The following CABLES1 variants were observed in gnomAD, a reference collection of about 807,000 sequenced individuals.
CABLES1 encodes the protein Cdk5 and Abl enzyme substrate 1.
A neutral mutation model predicts 57.8 loss-of-function variants in CABLES1; 36 were observed. The observed-to-expected ratio is 0.62, with a 90% CI of 0.48 to 0.82. The LOEUF is 0.82. Ranked by LOEUF, CABLES1 falls within the 40% of genes least tolerant of loss-of-function variation. The probability of loss-of-function intolerance (pLI) is 0.00; values close to 1 mark genes in which losing one functional copy is unlikely to be tolerated. For missense variants in CABLES1, 767 were observed against 836.6 expected, an observed-to-expected ratio of 0.92 and a Z score of 1.03; for synonymous variants, 374 against 363.0, an observed-to-expected ratio of 1.03 and a Z score of -0.35.
chr18:23,172,667 A>T (rs928714126), intron 1 of CABLES1, among the ~76,000 whole-genome samples: 2 of 152,194 alleles, frequency 1.3e-5, no homozygotes, highest in Non-Finnish European at 2.9e-5. Flanking sequence ...GACTTTTTTG[A>T]AGAGTCCAAT....
rs576184970 is a variant in CABLES1 at position 23,140,511 on chromosome 18, A to T, written c.845+3904A>T. Among the ~76,000 whole-genome samples, 24 of 147,788 alleles carry T rather than the reference A, an allele frequency of 1.6e-4. No individual in the cohort carries two copies. The East Asian group carries it at 3.2e-3, about 20-fold the overall frequency. ...GAGTGCAGTGGCGCCATCGCGGCTC[A>T]CGGCAACCTCTGCCTCCTGGGTTCA... is the stretch of plus-strand genomic sequence containing the variant. On this transcript the variant is annotated intron_variant, in intron 1 of 9. Transcript: ENST00000256925.
intron 7 of CABLES1, among the ~76,000 whole-genome samples, chr18:23,250,277 A>C (rs551589201): frequency 6.6e-6 from 1 of 152,232 alleles, no homozygotes; most frequent in African/African-American, 2.4e-5. Context: ...TGCAAACCTC[A>C]TGACTTTCCT....
At chr18:23,199,724 T>C (rs1269213199) in intron 3 of CABLES1, among the ~76,000 whole-genome samples, 1 of 152,208 alleles carries the variant, frequency 6.6e-6, no homozygotes, top group African/African-American at 2.4e-5. Flanking sequence ...ACAGAGTTTC[T>C]ATTAGGGGTG....
chr18:23,151,952 CAG>C lies in CABLES1; in HGVS notation c.845+15349_845+15350del, dbSNP rs543729025. Among the ~76,000 whole-genome samples the C allele has an allele frequency of 9.2e-5, 14 of 152,226 alleles. No individual in the cohort carries two copies. In the East Asian group the frequency reaches 2.5e-3, roughly 27 times the overall value. On this transcript the variant is annotated intron_variant, in intron 1 of 9. Coordinates refer to ENST00000256925, the MANE Select transcript of CABLES1 (RefSeq NM_001100619.3). ...GGTGGAGAGAAGTGAACGGACTCAA[CAG>C]AGATGAAAGGCACAATGGAGATGGA...
intron 1 of CABLES1, among the ~76,000 whole-genome samples, chr18:23,155,581 A>G (rs1217390318): frequency 6.6e-6 from 1 of 152,178 alleles, no homozygotes; most frequent in Non-Finnish European, 1.5e-5. Flanking sequence ...CCCGCTTACA[A>G]TGGGAGCTAG....
chr18:23,229,208 T>A (rs984952018), intron 4 of CABLES1, among the ~76,000 whole-genome samples: 9 of 151,588 alleles, frequency 5.9e-5, no homozygotes, highest in African/African-American at 2.2e-4. Flanking sequence ...AGTTCAGGGG[T>A]TCAAGACCAC....
At chr18:23,202,655 C>T (rs1311729269) in intron 3 of CABLES1, among the ~76,000 whole-genome samples, 2 of 152,176 alleles carry the variant, frequency 1.3e-5, no homozygotes, top group South Asian at 2.1e-4. Context: ...GAAGGACTGA[C>T]GCATCAGAAG....
intron 1 of CABLES1, among the ~76,000 whole-genome samples, chr18:23,171,429 G>A (rs1160206086): frequency 1.3e-5 from 2 of 152,220 alleles, no homozygotes; most frequent in African/African-American, 4.8e-5. Context: ...GAGTGATGGA[G>A]GATAAGGAGG....
chr18:23,204,861 C>G (rs966782153), intron 3 of CABLES1, among the ~76,000 whole-genome samples: 1 of 152,242 alleles, frequency 6.6e-6, no homozygotes, highest in Non-Finnish European at 1.5e-5. Context: ...ATTTGCGAAA[C>G]TGTCCCCATG....
At chr18:23,141,637 G>A (rs1286692330) in intron 1 of CABLES1, among the ~76,000 whole-genome samples, 1 of 152,256 alleles carries the variant, frequency 6.6e-6, no homozygotes. Flanking sequence ...GATGGTGGGC[G>A]CAGTCTGAGG....
intron 4 of CABLES1, among the ~76,000 whole-genome samples, chr18:23,220,637 A>G (rs1286998045): frequency 1.3e-5 from 2 of 152,060 alleles, no homozygotes; most frequent in Admixed American, 1.3e-4. Context: ...GCACTGGCTG[A>G]CTGGTATGCA....
intron 7 of CABLES1, among the ~76,000 whole-genome samples, chr18:23,241,616 G>A (rs924671830): frequency 2.0e-5 from 3 of 152,180 alleles, no homozygotes; most frequent in Non-Finnish European, 2.9e-5. Flanking sequence ...TTGTTCATGC[G>A]GCTGCCATGA....
intron 4 of CABLES1, among the ~76,000 whole-genome samples, chr18:23,217,497 CTG>C (rs1461420496): frequency 6.6e-6 from 1 of 152,194 alleles, no homozygotes; most frequent in African/African-American, 2.4e-5. Flanking sequence ...CCAAGAAACA[CTG>C]AGCACAATTC....
At chr18:23,138,366 A>G (rs763755906) in intron 1 of CABLES1, among the ~76,000 whole-genome samples, 2 of 152,176 alleles carry the variant, frequency 1.3e-5, no homozygotes, top group Non-Finnish European at 2.9e-5. Context: ...ACCTCGGCAC[A>G]CACATTAAGA....
At chr18:23,151,545 G>A (rs903422152) in intron 1 of CABLES1, among the ~76,000 whole-genome samples, 2 of 152,188 alleles carry the variant, frequency 1.3e-5, no homozygotes, top group Non-Finnish European at 2.9e-5. Flanking sequence ...GCCATTGGTG[G>A]AGCTTTTGTC....
At chr18:23,136,723 G>T in intron 1 of CABLES1, 116 bp downstream of exon 1, 1 of 659,018 alleles carries the variant, frequency 1.5e-6, no homozygotes, top group Non-Finnish European at 2.2e-6. Flanking sequence ...GCGCCCTGCC[G>T]GATCCTGTGC....
chr18:23,256,725 T>C (rs909120545), intron 9 of CABLES1, among the ~76,000 whole-genome samples: 1 of 152,164 alleles, frequency 6.6e-6, no homozygotes, highest in African/African-American at 2.4e-5. Context: ...CCTCAAGTGA[T>C]CCACCCACCT....
chr18:23,153,566 T>G lies in CABLES1; in HGVS notation c.845+16959T>G, dbSNP rs190916937. Among the ~76,000 whole-genome samples, 164 of 152,112 alleles carry G rather than the reference T, an allele frequency of 1.1e-3. 2 individuals carry two copies. The highest frequency in any genetic ancestry group is 5.8e-3 in the Admixed American group (89 of 15,278). Reference sequence around the variant, plus strand: ...CTGACCAACATGGTGAAACCCTGTCTCTACTAGAAATATAAATAGTAACCA... The same window carrying G: ...CTGACCAACATGGTGAAACCCTGTCGCTACTAGAAATATAAATAGTAACCA... On this transcript the variant is annotated intron_variant, in intron 1 of 9. Coordinates refer to ENST00000256925, the MANE Select transcript of CABLES1 (RefSeq NM_001100619.3).
Position 23,234,600 on chromosome 18 carries a change from C to T in CABLES1, c.1089-8C>T, listed in dbSNP as rs373441044. 2 of 1,609,800 alleles carry T rather than the reference C, an allele frequency of 1.2e-6. No homozygotes were observed. The highest frequency in any genetic ancestry group is 1.7e-6 in the Non-Finnish European group (2 of 1,176,414). On this transcript the variant is annotated splice_polypyrimidine_tract_variant and splice_region_variant and intron_variant, in intron 4 of 9. Transcript: ENST00000256925. Reference sequence around the variant, plus strand: ...AGCATTTTTTTTTCCTCTGACTTGTCCTCCCAGGGACTTGAAGTTGGACGG... The same window carrying T: ...AGCATTTTTTTTTCCTCTGACTTGTTCTCCCAGGGACTTGAAGTTGGACGG...
Sources: allele counts gnomAD v4.1 joint callset (sites outside exome capture counted in the v4.1 genomes callset), GRCh38; gene constraint gnomAD v4.1.1; transcripts MANE v1.5; gene names NCBI Gene and HGNC (gene_info 2026-07-23, HGNC 2026-07-21).